PTPRQ: variants seen among roughly 807,000 people sequenced by gnomAD.
PTPRQ encodes the protein protein tyrosine phosphatase receptor type Q.
Under a neutral mutation model 246.0 loss-of-function variants are expected in PTPRQ, and 199 were observed. The ratio of observed to expected loss-of-function variants is 0.81; its 90% CI spans 0.72 to 0.91. The LOEUF (loss-of-function observed/expected upper bound fraction) is 0.91, where lower values mean the gene tolerates loss of function less well. Ranked by LOEUF, PTPRQ falls within the 40% of genes least tolerant of loss-of-function variation. PTPRQ has a pLI of 0.00. For synonymous variants in PTPRQ, 869 were observed against 853.2 expected, an observed-to-expected ratio of 1.02 and a Z score of -0.32; for missense variants, 2,624 against 2,528.4, an observed-to-expected ratio of 1.04 and a Z score of -0.81.
intron 25 of PTPRQ, among the ~76,000 whole-genome samples, chr12:80,564,182 G>A (rs554152090): frequency 2.6e-5 from 4 of 152,040 alleles, no homozygotes; most frequent in Admixed American, 1.3e-4. Context: ...ATGCTGGTGC[G>A]CTGCACCCAC....
chr12:80,543,767 T>G (rs1366524178), intron 23 of PTPRQ, among the ~76,000 whole-genome samples: 1 of 152,108 alleles, frequency 6.6e-6, no homozygotes, highest in Non-Finnish European at 1.5e-5. Context: ...ACCAAGATAT[T>G]ACTTTAAAAC....
intron 17 of PTPRQ, among the ~76,000 whole-genome samples, chr12:80,531,551 A>G (rs371176321): frequency 6.6e-6 from 1 of 152,298 alleles, no homozygotes; most frequent in African/African-American, 2.4e-5. Flanking sequence ...CTCACACTTC[A>G]GCACAGAGAT....
chr12:80,450,083 G>A (rs991210878), intron 3 of PTPRQ, among the ~76,000 whole-genome samples: 5 of 152,014 alleles, frequency 3.3e-5, no homozygotes, highest in African/African-American at 1.2e-4. Flanking sequence ...TCCTTGAAGA[G>A]GTCCTTCACG....
At chr12:80,644,578 T>C (rs909470863) in intron 35 of PTPRQ, among the ~76,000 whole-genome samples, 2 of 152,120 alleles carry the variant, frequency 1.3e-5, no homozygotes, top group African/African-American at 4.8e-5. Context: ...ATAGCATTGT[T>C]GATTTTCATG....
chr12:80,495,330 C>A lies in PTPRQ; in HGVS notation c.1841C>A (p.Ala614Glu). 6.5e-7 allele frequency: 1 copy of A among 1,536,020 alleles called. No individual in the cohort carries two copies. The highest frequency in any genetic ancestry group is 1.3e-5 in the South Asian group (1 of 79,680). The change falls in exon 12 of 45, where the codon GCA becomes GAA. Residue 614 changes from alanine to glutamate, a missense_variant. Ala to Glu is a moderately radical substitution (Grantham distance 107, BLOSUM62 -1). Transcript: ENST00000644991. The stretch of plus-strand genomic sequence containing the variant: ...GCAATGGAATTGGATACAAACAGAG[C>A]ATTCCAGATAACTACCATAGATAAC... ...IYAMELDTNR[A>E]FQITTIDNSF... is the part of the protein sequence containing the mutation.
Position 80,649,625 on chromosome 12 carries a change from G to A in PTPRQ, c.5980G>A (p.Glu1994Lys). Residue 1994 changes from glutamate to lysine, a missense_variant, in exon 37 of 45, where the codon GAG becomes AAG. Glu to Lys is a moderately conservative substitution (Grantham distance 56). Transcript: ENST00000644991. ...GAAATCCTTCCTGCAACATGTTGAA[G>A]AGCTTTGCACAAACAACAACCTAAA... ...SKKSFLQHVE[E>K]LCTNNNLKFQ... 1.3e-6 allele frequency: 2 copies of A among 1,549,988 alleles called. No homozygotes were observed. The highest frequency in any genetic ancestry group is 2.4e-5 in the South Asian group (2 of 83,830).
chr12:80,459,425 T>G lies in PTPRQ; in HGVS notation c.602T>G (p.Val201Gly). The change falls in exon 5 of 45, where the codon GTG becomes GGG. Residue 201 changes from valine to glycine, a missense_variant. By Grantham distance (109) the Val-to-Gly change is moderately radical. Coordinates refer to ENST00000644991, the MANE Select transcript of PTPRQ (RefSeq NM_001145026.2). ...AAGCATGCCAGAAGTGGGATAGTAGTGAAAGATGTCTCAATCAGAGTAGAG... is the reference window on the plus strand; with the variant it reads ...AAGCATGCCAGAAGTGGGATAGTAGGGAAAGATGTCTCAATCAGAGTAGAG... ...SVKHARSGIV[V>G]KDVSIRVEDI... The G allele has an allele frequency of 2.5e-6, 1 of 398,448 alleles. No homozygotes were observed. The highest frequency in any genetic ancestry group is 6.3e-4 in the Middle Eastern group (1 of 1,586). 24.7% of individuals were successfully genotyped at this position (398,448 alleles called of 1,614,324 possible). A position where few individuals can be genotyped will look rare whatever the true frequency, so the allele number is the denominator to read the frequency against.
chr12:80,624,150 T>A (rs1288453147), intron 33 of PTPRQ, among the ~76,000 whole-genome samples: 1 of 151,664 alleles, frequency 6.6e-6, no homozygotes, highest in Non-Finnish European at 1.5e-5. Flanking sequence ...ACAGAAGGAG[T>A]CTACAGTGAG....
chr12:80,474,061 TC>T (rs1169993490), intron 8 of PTPRQ, among the ~76,000 whole-genome samples: 4 of 152,210 alleles, frequency 2.6e-5, no homozygotes, highest in African/African-American at 7.2e-5. Context: ...AATGGAATAC[TC>T]TGGCAAATGC....
chr12:80,666,466 G>T (rs1170279759), intron 39 of PTPRQ, among the ~76,000 whole-genome samples: 1 of 151,810 alleles, frequency 6.6e-6, no homozygotes, highest in Non-Finnish European at 1.5e-5. Context: ...CAGCTAGATA[G>T]GAGAAATAAA....
chr12:80,487,743 C>T (rs1894324489), intron 9 of PTPRQ, among the ~76,000 whole-genome samples: 1 of 152,138 alleles, frequency 6.6e-6, no homozygotes, highest in Non-Finnish European at 1.5e-5. Flanking sequence ...TCCCCCACTT[C>T]AGCTCAGGAT....
At chr12:80,585,255 T>G (rs1897572986) in intron 25 of PTPRQ, among the ~76,000 whole-genome samples, 2 of 152,146 alleles carry the variant, frequency 1.3e-5, no homozygotes, top group Non-Finnish European at 2.9e-5. Flanking sequence ...TTTTATTTGC[T>G]CAATCCATAA....
chr12:80,523,452 A>G (rs1895575659), intron 17 of PTPRQ, among the ~76,000 whole-genome samples: 1 of 151,926 alleles, frequency 6.6e-6, no homozygotes, highest in Non-Finnish European at 1.5e-5. Flanking sequence ...TTTGATTGTG[A>G]TGTTAGGGTG....
chr12:80,616,077 TTTTA>T lies in PTPRQ; in HGVS notation c.5164-121_5164-118del, dbSNP rs200657301. The stretch of plus-strand genomic sequence containing the variant: ...TAAAATTACATGTAACCATAATCAG[TTTTA>T]TATATATATATATAACTATATATAT... On this transcript the variant is annotated intron_variant, in intron 29 of 44. Coordinates refer to ENST00000644991, the MANE Select transcript of PTPRQ (RefSeq NM_001145026.2). The T allele has an allele frequency of 2.3e-3, 1,102 of 476,482 alleles. 13 individuals are homozygous for T. In the African/African-American group the frequency reaches 0.023, roughly 10 times the overall value. The allele number at this position is 476,482 out of a possible 1,614,324, so 29.5% of individuals were successfully genotyped here.
intron 3 of PTPRQ, among the ~76,000 whole-genome samples, chr12:80,455,613 T>G: frequency 6.7e-6 from 1 of 148,662 alleles, no homozygotes; most frequent in Non-Finnish European, 1.5e-5. Flanking sequence ...TTTTTTGAGA[T>G]GGACTCTCGC....
intron 38 of PTPRQ, among the ~76,000 whole-genome samples, chr12:80,656,986 AT>A (rs758750568): frequency 1.2e-4 from 18 of 151,882 alleles, no homozygotes; most frequent in Non-Finnish European, 1.8e-4. Flanking sequence ...ATAATTTATA[AT>A]GACAACTTTG....
intron 25 of PTPRQ, among the ~76,000 whole-genome samples, chr12:80,582,578 T>C (rs1047509620): frequency 1.2e-4 from 19 of 152,156 alleles, no homozygotes; most frequent in African/African-American, 4.6e-4. Context: ...AAGCCAGCAG[T>C]CTGGAACCAG....
chr12:80,491,235 G>A (rs1239909261), intron 9 of PTPRQ, among the ~76,000 whole-genome samples: 1 of 151,872 alleles, frequency 6.6e-6, no homozygotes, highest in African/African-American at 2.4e-5. Flanking sequence ...ATAGTTGAGG[G>A]GGAAATTCTT....
intron 41 of PTPRQ, among the ~76,000 whole-genome samples, chr12:80,669,665 T>C (rs1306432532): frequency 2.0e-5 from 3 of 152,070 alleles, no homozygotes; most frequent in Non-Finnish European, 4.4e-5. Flanking sequence ...CAGATCACTC[T>C]AGTTAAAGTC....
Sources: allele counts gnomAD v4.1 joint callset (sites outside exome capture counted in the v4.1 genomes callset), GRCh38; gene constraint gnomAD v4.1.1; transcripts MANE v1.5; gene names NCBI Gene and HGNC (gene_info 2026-07-23, HGNC 2026-07-21).